Variants in CDH8 observed in about 807,000 individuals in gnomAD.
CDH8 encodes the protein cadherin 8, also known as cadherin-8.
In CDH8, 17 loss-of-function variants were observed where a neutral mutation model predicts 68.1. That is an observed-to-expected ratio of 0.25 (90% CI 0.17 to 0.37). The LOEUF is 0.37. Ranked by LOEUF, CDH8 falls within the 10% of genes least tolerant of loss-of-function variation. The pLI is 1.00. For synonymous variants in CDH8, 372 were observed against 365.1 expected (o/e 1.02, Z -0.21); for missense variants, 763 against 999.3 (o/e 0.76, Z 3.19).
chr16:61,659,818 G>A (rs906520053), intron 10 of CDH8, among the ~76,000 whole-genome samples: 5 of 152,136 alleles, frequency 3.3e-5, no homozygotes, highest in African/African-American at 1.2e-4. Flanking sequence ...AGAGCCTCTG[G>A]AGCCCACTTG....
At chr16:61,781,691 C>A (rs1198292037) in intron 8 of CDH8, among the ~76,000 whole-genome samples, 1 of 152,124 alleles carries the variant, frequency 6.6e-6, no homozygotes, top group Non-Finnish European at 1.5e-5. Context: ...TTAAAGAAGA[C>A]TGGATTTTTT....
intron 2 of CDH8, among the ~76,000 whole-genome samples, chr16:61,950,465 G>A (rs1964876286): frequency 6.6e-6 from 1 of 152,186 alleles, no homozygotes; most frequent in South Asian, 2.1e-4. Flanking sequence ...GTGCAGAGTA[G>A]CAGAAGGGAT....
At chr16:61,888,939 T>A (rs1597044221) in intron 3 of CDH8, among the ~76,000 whole-genome samples, 2 of 152,270 alleles carry the variant, frequency 1.3e-5, no homozygotes, top group East Asian at 3.9e-4. Flanking sequence ...GACATGGTTA[T>A]AAAGAGAAGA....
At chr16:61,974,974 T>A (rs1463626577) in intron 2 of CDH8, among the ~76,000 whole-genome samples, 5 of 152,296 alleles carry the variant, frequency 3.3e-5, no homozygotes, top group South Asian at 4.1e-4. Context: ...AAGTTTATGA[T>A]TCTTTCTGAC....
intron 9 of CDH8, among the ~76,000 whole-genome samples, chr16:61,717,837 G>A (rs181676766): frequency 1.5e-4 from 22 of 151,386 alleles, no homozygotes; most frequent in Admixed American, 1.3e-3. Flanking sequence ...ATAAATAAGC[G>A]ATGGCAGGTA....
At chr16:61,902,096 C>A (rs891467135) in intron 2 of CDH8, among the ~76,000 whole-genome samples, 1 of 151,926 alleles carries the variant, frequency 6.6e-6, no homozygotes, top group Admixed American at 6.6e-5. Context: ...AGTCTTTTTT[C>A]CTTTAGTTCT....
At chr16:61,709,975 A>G (rs1964602705) in intron 10 of CDH8, among the ~76,000 whole-genome samples, 1 of 152,170 alleles carries the variant, frequency 6.6e-6, no homozygotes, top group Admixed American at 6.5e-5. Context: ...AAATCACTGC[A>G]CAAGATTTAT....
chr16:61,973,842 T>C (rs1965386799), intron 2 of CDH8, among the ~76,000 whole-genome samples: 1 of 152,232 alleles, frequency 6.6e-6, no homozygotes, highest in Non-Finnish European at 1.5e-5. Context: ...ACTTAACACT[T>C]TTCCAAGAAC....
intron 2 of CDH8, among the ~76,000 whole-genome samples, chr16:61,920,444 G>A (rs983866158): frequency 1.3e-5 from 2 of 149,040 alleles, no homozygotes; most frequent in Admixed American, 6.7e-5. Flanking sequence ...GTGGGCGAAG[G>A]GCATGAACAG....
chr16:61,972,697 T>C lies in CDH8; in HGVS notation c.252+48455A>G, dbSNP rs114935343. On this transcript the variant is annotated intron_variant, in intron 2 of 11. Coordinates refer to ENST00000577390, the MANE Select transcript of CDH8 (RefSeq NM_001796.5). ...GACCATGAGCAGGAATATGACCCAA[T>C]CAAGGCTAATCAAAATCTTTCCATG... Among the ~76,000 whole-genome samples, 708 of 151,512 alleles carry C rather than the reference T, an allele frequency of 4.7e-3. 6 individuals carry two copies. Among genetic ancestry groups the C allele is most frequent in the African/African-American group, 0.015 (601 of 41,308 alleles).
At chr16:61,699,014 C>A (rs1964375637) in intron 10 of CDH8, among the ~76,000 whole-genome samples, 1 of 152,150 alleles carries the variant, frequency 6.6e-6, no homozygotes, top group Admixed American at 6.5e-5. Context: ...TTAGAATATA[C>A]TTCAAGTTGG....
chr16:61,922,353 C>T (rs190460881), intron 2 of CDH8, among the ~76,000 whole-genome samples: 3 of 152,122 alleles, frequency 2.0e-5, no homozygotes, highest in Non-Finnish European at 2.9e-5. Flanking sequence ...GAGGAATTCG[C>T]GTTTACTGTA....
At chr16:61,684,985 T>A (rs141119073) in intron 10 of CDH8, among the ~76,000 whole-genome samples, 1 of 152,044 alleles carries the variant, frequency 6.6e-6, no homozygotes, top group African/African-American at 2.4e-5. Flanking sequence ...CTGTCAATAT[T>A]TAAGTTACCC....
At chr16:62,009,399 T>C in intron 2 of CDH8, among the ~76,000 whole-genome samples, 1 of 152,278 alleles carries the variant, frequency 6.6e-6, no homozygotes, top group East Asian at 1.9e-4. Context: ...CTAAGTAAAT[T>C]ACAGATCCCA....
rs145789810 is a variant in CDH8, at chr16:61,652,131, T to G, written c.*1477A>C. 8.2e-6 allele frequency: 8 copies of G among 973,242 alleles called. No homozygotes were observed. In the East Asian group the frequency reaches 6.9e-4, roughly 83 times the overall value. The allele number at this position is 973,242 out of a possible 1,614,324, so 60.3% of individuals were successfully genotyped here. On this transcript the variant is annotated 3_prime_UTR_variant, in exon 12 of 12. Coordinates refer to ENST00000577390, the MANE Select transcript of CDH8 (RefSeq NM_001796.5). The stretch of plus-strand genomic sequence containing the variant: ...AAGTAGAAAATTAAAATGATCTGCA[T>G]GTAATACTTGAGTTTTATCATACAT...
chr16:61,686,623 C>A (rs1476915097), intron 10 of CDH8, among the ~76,000 whole-genome samples: 1 of 151,886 alleles, frequency 6.6e-6, no homozygotes, highest in African/African-American at 2.4e-5. Context: ...AAGTTCTCTG[C>A]AGAAAGATCA....
chr16:61,996,776 T>C (rs1003184736), intron 2 of CDH8, among the ~76,000 whole-genome samples: 1 of 152,194 alleles, frequency 6.6e-6, no homozygotes, highest in Non-Finnish European at 1.5e-5. Flanking sequence ...GGTGAGGGAC[T>C]TGCTACATTG....
chr16:62,001,568 T>C (rs1214475811), intron 2 of CDH8, among the ~76,000 whole-genome samples: 1 of 152,206 alleles, frequency 6.6e-6, no homozygotes, highest in African/African-American at 2.4e-5. Context: ...ATGATTTACA[T>C]AGCGATCTTC....
chr16:61,731,027 T>A (rs1291279598), intron 8 of CDH8, among the ~76,000 whole-genome samples: 3 of 151,668 alleles, frequency 2.0e-5, no homozygotes, highest in African/African-American at 7.2e-5. Context: ...TTGAGGTCAC[T>A]GCCTCCTTCT....
Sources: gnomAD v4.1 joint callset for allele counts (sites outside exome capture counted in the v4.1 genomes callset) on GRCh38, gnomAD v4.1.1 for gene constraint, MANE v1.5 for transcripts, NCBI Gene and HGNC (gene_info 2026-07-23, HGNC 2026-07-21) for gene names.